The following MICAL2 variants were observed in gnomAD, a reference collection of about 807,000 sequenced individuals.
MICAL2 encodes [F-actin]-monooxygenase MICAL2.
A neutral mutation model predicts 127.3 loss-of-function variants in MICAL2; 77 were observed. The observed-to-expected ratio is 0.60, with a 90% confidence interval of 0.50 to 0.73. The LOEUF is 0.73. MICAL2 is among the 30% of genes least tolerant of loss of function. MICAL2 has a pLI of 0.00. For synonymous variants in MICAL2, 570 were observed against 551.1 expected (o/e 1.03, Z -0.48); for missense variants, 1,351 against 1,434.4 (o/e 0.94, Z 0.94).
chr11:12,166,559 A>G (rs532840536), intron 3 of MICAL2, among the ~76,000 whole-genome samples: 1 of 152,342 alleles, frequency 6.6e-6, no homozygotes, highest in African/African-American at 2.4e-5. Flanking sequence ...AAGTTACTTA[A>G]TATCTCTGGT....
Position 12,220,376 on chromosome 11 carries a change from A to G in MICAL2, c.1124A>G (p.Tyr375Cys), listed in dbSNP as rs750410361. ...GCCATGTTTGACTTTACCTGCATGT[A>G]TGCCTCAGAGAACGCGGCCCTGGTG... is the stretch of plus-strand genomic sequence containing the variant. Reference protein sequence around the residue: ...DVAMFDFTCMYASENAALVRE... With the variant: ...DVAMFDFTCMCASENAALVRE... The change falls in exon 9 of 28, where the codon TAT (tyrosine) becomes TGT (cysteine). Residue 375 changes from tyrosine (Y) to cysteine (C), a missense_variant. By Grantham distance (194) the Tyr-to-Cys change is radical. Transcript: ENST00000683283. The G allele has an allele frequency of 8.7e-6, 14 of 1,614,092 alleles. No individual in the cohort carries two copies. Among genetic ancestry groups the G allele is most frequent in the Non-Finnish European group, 1.2e-5 (14 of 1,180,056 alleles).
downstream of MICAL2, among the ~76,000 whole-genome samples, chr11:12,265,442 A>C (rs1863584984): frequency 6.6e-6 from 1 of 152,218 alleles, no homozygotes; most frequent in African/African-American, 2.4e-5. Context: ...ATAACCTTCT[A>C]AGCATAAATC....
chr11:12,296,450 T>C (rs1863986433), downstream of MICAL2, among the ~76,000 whole-genome samples: 2 of 151,098 alleles, frequency 1.3e-5, no homozygotes, highest in Admixed American at 1.3e-4. Flanking sequence ...AATAAATTAA[T>C]AAACTATTAA....
rs1340097787 is a variant in MICAL2, at chr11:12,223,422, G to A, written c.1461G>A (p.Leu487=). 2 of 1,613,736 alleles carry A rather than the reference G, an allele frequency of 1.2e-6. No individual in the cohort carries two copies. The highest frequency in any genetic ancestry group is 1.7e-6 in the Non-Finnish European group (2 of 1,179,788). Residue 487 remains leucine, a synonymous_variant, in exon 12 of 28, where the codon TTG becomes TTA. Transcript: ENST00000683283. ...HCVRPHQVKH[L]YITKELEHYP... Reference sequence around the variant, plus strand: ...TCTCTTGCTCATAGGTGAAGCATTTGTATATCACTAAGGAGCTGGAGCACT... The same window carrying A: ...TCTCTTGCTCATAGGTGAAGCATTTATATATCACTAAGGAGCTGGAGCACT...
chr11:12,136,947 G>A (rs1851888022), intron 1 of MICAL2, among the ~76,000 whole-genome samples: 1 of 152,168 alleles, frequency 6.6e-6, no homozygotes, highest in Non-Finnish European at 1.5e-5. Context: ...AGAGCATGGC[G>A]GGGTCCCTGG....
At chr11:12,324,952 G>A (rs1395917131) in intron 31 of MICAL2, among the ~76,000 whole-genome samples, 1 of 152,150 alleles carries the variant, frequency 6.6e-6, no homozygotes, top group African/African-American at 2.4e-5. Flanking sequence ...CAAGTCTTAT[G>A]ATATTGATTG....
chr11:12,314,359 T>C (rs1864208154), intron 29 of MICAL2, among the ~76,000 whole-genome samples: 1 of 152,126 alleles, frequency 6.6e-6, no homozygotes. Flanking sequence ...TTATGTATAG[T>C]TTGTTCATTA....
rs1340749115 is a variant in MICAL2 at position 12,139,667 on chromosome 11, G to T, written c.-78+1207G>T. Among the ~76,000 whole-genome samples, 3 of 152,282 alleles carry T rather than the reference G, an allele frequency of 2.0e-5. No individual in the cohort carries two copies. In the East Asian group the frequency reaches 5.8e-4, roughly 29 times the overall value. ...GGAATTCTCATTCTTAGTATCTGGG[G>T]AAAGACCCAGGCAAAGAGCTGATTG... is the stretch of plus-strand genomic sequence containing the variant. On this transcript the variant is annotated intron_variant, in intron 2 of 27. Transcript: ENST00000683283.
At chr11:12,147,508 G>A (rs957304460) in intron 2 of MICAL2, among the ~76,000 whole-genome samples, 6 of 152,192 alleles carry the variant, frequency 3.9e-5, no homozygotes, top group Non-Finnish European at 5.9e-5. Context: ...CAGAGCTGGG[G>A]TGAATACTCT....
At chr11:12,158,184 A>T (rs1386058131) in intron 2 of MICAL2, among the ~76,000 whole-genome samples, 5 of 152,110 alleles carry the variant, frequency 3.3e-5, no homozygotes, top group African/African-American at 1.2e-4. Flanking sequence ...AGTATGATGG[A>T]CATATTCTAA....
At chr11:12,240,340 G>T (rs1385817313) in intron 17 of MICAL2, among the ~76,000 whole-genome samples, 2 of 152,204 alleles carry the variant, frequency 1.3e-5, no homozygotes, top group Non-Finnish European at 2.9e-5. Context: ...ACAGAAGCTT[G>T]GGAAAAGAGG....
At chr11:12,120,818 C>T (rs12795108) in intron 1 of MICAL2, among the ~76,000 whole-genome samples, 25,908 of 152,042 alleles carry the variant, frequency 0.17, 2,700 homozygotes, top group East Asian at 0.31. Flanking sequence ...CTGAACCCAG[C>T]GGACTGTGGG....
intron 20 of MICAL2, 97 bp downstream of exon 20, chr11:12,242,869 C>T (rs1420084167): frequency 3.6e-6 from 3 of 825,048 alleles, no homozygotes; most frequent in Non-Finnish European, 5.6e-6. Context: ...CTCCTCCTTC[C>T]TCCTTTTAGA....
intron 3 of MICAL2, among the ~76,000 whole-genome samples, chr11:12,167,730 C>T (rs1156411860): frequency 6.6e-6 from 1 of 152,068 alleles, no homozygotes; most frequent in Admixed American, 6.5e-5. Context: ...AATAGACTGC[C>T]GGCCCTGCAA....
chr11:12,236,272 C>T (rs766217560), intron 16 of MICAL2, 27 bp downstream of exon 16: 6 of 1,609,038 alleles, frequency 3.7e-6, no homozygotes, highest in African/African-American at 2.7e-5. Flanking sequence ...TGGCTTTAAA[C>T]AGAGGCTCGT....
At position 12,221,725 on chromosome 11, in the gene MICAL2, C is replaced by A. The variant is rs149829766; in HGVS notation, c.1288C>A (p.Gln430Lys). 4 of 1,613,788 alleles carry A rather than the reference C, an allele frequency of 2.5e-6. No homozygotes were observed. The highest frequency in any genetic ancestry group is 3.4e-6 in the Non-Finnish European group (4 of 1,179,846). ...GGCATGGATGGTGAAGAGCTGGAAC[C>A]AGGGCACCCCTCCCCTGGAGCTGCT... ...DTAWMVKSWN[Q>K]GTPPLELLAE... Residue 430 changes from glutamine to lysine, a missense_variant, in exon 10 of 28, where the codon CAG becomes AAG. By Grantham distance (53) the Gln-to-Lys change is moderately conservative. Around this residue, in one of 2 missense-constraint regions of MICAL2, gnomAD observed 599 missense variants for 714.9 expected, o/e 0.84. Transcript: ENST00000683283.
At chr11:12,349,781 T>C in intron 32 of MICAL2, 1 of 1,557,788 alleles carries the variant, frequency 6.4e-7, no homozygotes, top group Admixed American at 1.7e-5. Context: ...TCAAAGCAGT[T>C]TGATCATGGG....
At chr11:12,285,892 G>A (rs1251893278) in intron 2 of MICAL2, among the ~76,000 whole-genome samples, 1 of 151,296 alleles carries the variant, frequency 6.6e-6, no homozygotes, top group East Asian at 2.0e-4. Context: ...CATGCCCTTG[G>A]GCTTCCTTTC....
Position 12,321,231 on chromosome 11 carries a change from C to T in MICAL2, c.5328+1420C>T, listed in dbSNP as rs1316017084. 7.2e-5 allele frequency among the ~76,000 whole-genome samples: 11 copies of T among 152,154 alleles called. No homozygotes were observed. In the East Asian group the frequency reaches 2.1e-3, roughly 29 times the overall value. ...CGCTTCACCTGGCTTCTGACCTGGC[C>T]CACTCTTACACTAAGGGAAGCTGGC... On this transcript the variant is annotated intron_variant, in intron 30 of 34. Coordinates refer to the MICAL2 transcript ENST00000646065.
Sources: allele counts gnomAD v4.1 joint callset (sites outside exome capture counted in the v4.1 genomes callset), GRCh38; gene constraint gnomAD v4.1.1; regional missense constraint gnomAD v4.1.1; transcripts MANE v1.5; gene names NCBI Gene and HGNC (gene_info 2026-07-23, HGNC 2026-07-21).